Variants in TMCC3 observed in about 807,000 individuals in gnomAD.
TMCC3 encodes transmembrane and coiled-coil domain family 3.
In TMCC3, 28 loss-of-function variants were observed where a neutral mutation model predicts 40.2. The observed-to-expected ratio is 0.70, with a 90% CI of 0.52 to 0.95. The LOEUF (loss-of-function observed/expected upper bound fraction) is 0.95. TMCC3 is among the 40% of genes least tolerant of loss of function. The pLI is 0.00. For missense variants in TMCC3, 554 were observed against 615.2 expected (o/e 0.90, Z 1.05); for synonymous variants, 255 against 248.5 (o/e 1.03, Z -0.25).
Position 94,568,413 on chromosome 12 carries a change from C to CA in TMCC3, c.*3021dup, listed in dbSNP as rs1466101553. The CA allele has an allele frequency of 6.6e-6, 1 of 152,128 alleles. No homozygotes were observed. Among genetic ancestry groups the CA allele is most frequent in the Non-Finnish European group, 1.5e-5 (1 of 68,032 alleles). The allele number at this position is 152,128 out of a possible 1,614,324, so 9.4% of individuals were successfully genotyped here. A position where few individuals can be genotyped will look rare whatever the true frequency, so the allele number is the denominator to read the frequency against. On this transcript the variant is annotated 3_prime_UTR_variant, in exon 4 of 4. Transcript: ENST00000261226. ...CCAATGTCCAGCATCTTCAACCACT[C>CA]AGGAGTGTTTGCTGAGAGACCAGGT...
intron 2 of TMCC3, among the ~76,000 whole-genome samples, chr12:94,580,866 G>T (rs2068596327): frequency 6.6e-6 from 1 of 152,198 alleles, no homozygotes; most frequent in African/African-American, 2.4e-5. Context: ...ATCAAATATA[G>T]ATCTCTGAAT....
intron 1 of TMCC3, among the ~76,000 whole-genome samples, chr12:94,650,064 G>A (rs959264170): frequency 2.0e-5 from 3 of 152,120 alleles, no homozygotes; most frequent in Admixed American, 1.3e-4. Flanking sequence ...CTGGCGGGGA[G>A]GACAGCAGAG....
intron 3 of TMCC3, among the ~76,000 whole-genome samples, chr12:94,576,193 C>T (rs1184597506): frequency 6.6e-6 from 1 of 152,168 alleles, no homozygotes; most frequent in East Asian, 1.9e-4. Flanking sequence ...TTTTGAGATG[C>T]GGTCTCTGGG....
At chr12:94,647,161 G>A (rs2069024223) in intron 1 of TMCC3, among the ~76,000 whole-genome samples, 2 of 152,138 alleles carry the variant, frequency 1.3e-5, no homozygotes, top group South Asian at 4.1e-4. Flanking sequence ...AGAGATATGT[G>A]CATCAAGTTA....
chr12:94,589,756 A>G (rs1357051927), intron 1 of TMCC3, among the ~76,000 whole-genome samples: 1 of 152,212 alleles, frequency 6.6e-6, no homozygotes, highest in Admixed American at 6.5e-5. Context: ...AGATTTTTTA[A>G]TGCATTCATA....
intron 1 of TMCC3, among the ~76,000 whole-genome samples, chr12:94,595,647 T>C (rs772566544): frequency 6.6e-6 from 1 of 152,218 alleles, no homozygotes; most frequent in Non-Finnish European, 1.5e-5. Flanking sequence ...TGGATCAGAA[T>C]ACTACTAGCT....
Position 94,571,309 on chromosome 12 carries a change from AC to A in TMCC3, c.*125del. 1.0e-6 allele frequency: 1 copy of A among 959,564 alleles called. No individual in the cohort carries two copies. The highest frequency in any genetic ancestry group is 1.5e-6 in the Non-Finnish European group (1 of 650,252). The allele number at this position is 959,564 out of a possible 1,614,324, so 59.4% of individuals were successfully genotyped here. A position where few individuals can be genotyped will look rare whatever the true frequency, so the allele number is the denominator to read the frequency against. On this transcript the variant is annotated 3_prime_UTR_variant, in exon 4 of 4. Coordinates refer to ENST00000261226, the MANE Select transcript of TMCC3 (RefSeq NM_020698.4). ...AGTTAAGAGAATTGTAGTTATTTAC[AC>A]CACACAGTCCTAGTTTTTCTTACAC...
intron 1 of TMCC3, among the ~76,000 whole-genome samples, chr12:94,631,033 G>A (rs1404497849): frequency 1.3e-5 from 2 of 152,210 alleles, no homozygotes; most frequent in East Asian, 1.9e-4. Flanking sequence ...GTGAGCCACG[G>A]TGCCCGGCAT....
At position 94,582,541 on chromosome 12, in the gene TMCC3, G is replaced by A. The variant is rs747080314; in HGVS notation, c.79-3C>T. The A allele has an allele frequency of 1.9e-6, 3 of 1,582,038 alleles. No individual in the cohort carries two copies. The highest frequency in any genetic ancestry group is 1.7e-6 in the Non-Finnish European group (2 of 1,166,078). On this transcript the variant is annotated splice_polypyrimidine_tract_variant and splice_region_variant and intron_variant, in intron 1 of 3. Transcript: ENST00000261226. ...GTATTCATGTCATGACGTTCTACCT[G>A]AAAGAGACAGGAAAGAAGCACATTA...
intron 1 of TMCC3, chr12:94,590,799 G>C (rs1041540336): frequency 5.9e-5 from 27 of 459,524 alleles, no homozygotes; most frequent in African/African-American, 5.1e-4. Context: ...GGAGAGGCGG[G>C]AGACGGCGCA....
At chr12:94,579,642 C>CA (rs1403034789) in intron 2 of TMCC3, among the ~76,000 whole-genome samples, 1 of 152,214 alleles carries the variant, frequency 6.6e-6, no homozygotes, top group Non-Finnish European at 1.5e-5. Flanking sequence ...CAGATGCTTA[C>CA]ATAGGTCACC....
chr12:94,604,632 C>T (rs934764425), intron 1 of TMCC3, among the ~76,000 whole-genome samples: 5 of 118,992 alleles, frequency 4.2e-5, no homozygotes, highest in African/African-American at 1.6e-4. Context: ...TAGTGAGACC[C>T]CATCTCTACC....
At chr12:94,622,541 T>A (rs1176698637) in intron 1 of TMCC3, among the ~76,000 whole-genome samples, 1 of 152,154 alleles carries the variant, frequency 6.6e-6, no homozygotes, top group East Asian at 1.9e-4. Context: ...CTGATCCCTA[T>A]GACCTTAATG....
At position 94,593,370 on chromosome 12, in the gene TMCC3, A is replaced by AAGAAG. The variant is rs1374659023; in HGVS notation, c.79-10833_79-10832insCTTCT. On this transcript the variant is annotated intron_variant, in intron 1 of 3. Transcript: ENST00000261226. ...CAACAGGCTCCATCTAAAAAAAAAA[A>AAGAAG]AAGAAAAGAAAAGAAAGAAGAAAGA... Among the ~76,000 whole-genome samples, 34 of 72,794 alleles carry AAGAAG rather than the reference A, an allele frequency of 4.7e-4. 9 individuals are homozygous for AAGAAG. The highest frequency in any genetic ancestry group is 2.6e-3 in the South Asian group (6 of 2,284). 47.8% of individuals were successfully genotyped at this position (72,794 alleles called of 152,430 possible).
intron 1 of TMCC3, among the ~76,000 whole-genome samples, chr12:94,598,954 G>A (rs2449663): frequency 6.6e-6 from 1 of 151,892 alleles, no homozygotes; most frequent in African/African-American, 2.4e-5. Flanking sequence ...CAAAACACTC[G>A]CAGCAACCAG....
chr12:94,569,961 G>GT lies in TMCC3; in HGVS notation c.*1473_*1474insA, dbSNP rs2068517127. ...TCTTCCTCTTTGTTATACACACAGAGACACAGATTTAAAGGAAAGTATCAT... is the reference window on the plus strand; with the variant it reads ...TCTTCCTCTTTGTTATACACACAGAGTACACAGATTTAAAGGAAAGTATCAT... On this transcript the variant is annotated 3_prime_UTR_variant, in exon 4 of 4. Transcript: ENST00000261226. The GT allele has an allele frequency of 1.3e-5, 2 of 152,200 alleles. No homozygotes were observed. Among genetic ancestry groups the GT allele is most frequent in the African/African-American group, 4.8e-5 (2 of 41,430 alleles). The allele number at this position is 152,200 out of a possible 1,614,324, so 9.4% of individuals were successfully genotyped here. A position where few individuals can be genotyped will look rare whatever the true frequency, so the allele number is the denominator to read the frequency against.
At chr12:94,604,803 CAAAAAAA>C (rs11400128) in intron 1 of TMCC3, among the ~76,000 whole-genome samples, 2 of 53,330 alleles carry the variant, frequency 3.8e-5, no homozygotes, top group Non-Finnish European at 6.4e-5. Context: ...GACTTCATCT[CAAAAAAA>C]AAAAAAAAAA....
chr12:94,614,664 T>C (rs1413904496), intron 1 of TMCC3, among the ~76,000 whole-genome samples: 1 of 151,826 alleles, frequency 6.6e-6, no homozygotes, highest in Non-Finnish European at 1.5e-5. Flanking sequence ...TCAAGCTCTG[T>C]CAACTGTTGC....
intron 1 of TMCC3, among the ~76,000 whole-genome samples, chr12:94,588,341 T>A (rs577747928): frequency 6.6e-6 from 1 of 152,248 alleles, no homozygotes; most frequent in Non-Finnish European, 1.5e-5. Context: ...CTGTGGACCC[T>A]GGAACGACAG....
Sources: gnomAD v4.1 joint callset for allele counts (sites outside exome capture counted in the v4.1 genomes callset) on GRCh38, gnomAD v4.1.1 for gene constraint, MANE v1.5 for transcripts, NCBI Gene and HGNC (gene_info 2026-07-23, HGNC 2026-07-21) for gene names.